TENM1: variants seen among roughly 807,000 people sequenced by gnomAD.
TENM1 encodes teneurin-1.
In TENM1, 35 loss-of-function variants were observed where a neutral mutation model predicts 174.8. That is an observed-to-expected ratio of 0.20 (90% CI 0.15 to 0.27). The LOEUF is 0.27. Among genes scored for constraint, TENM1 ranks in the 10% least tolerant of loss-of-function variants. The probability of loss-of-function intolerance (pLI) is 1.00; values close to 1 mark genes in which losing one functional copy is unlikely to be tolerated. For synonymous variants in TENM1, 781 were observed against 798.7 expected (o/e 0.98, Z 0.37); for missense variants, 1,633 against 2,130.1 (o/e 0.77, Z 4.59).
chrX:125,168,604 G>A, the TENM1 span, among the ~76,000 whole-genome samples: 1 of 111,253 alleles, frequency 9.0e-6, no homozygotes, highest in African/African-American at 3.3e-5. Context: ...CATCCTGGGT[G>A]GGCCTGGCCT....
chrX:124,916,877 T>C (rs2057934900), intron 1 of TENM1, among the ~76,000 whole-genome samples: 1 of 109,886 alleles, frequency 9.1e-6, no homozygotes, highest in East Asian at 2.9e-4. Context: ...GCCACTGGAC[T>C]CCCCAGCCTT....
At position 124,471,428 on chromosome X, in the gene TENM1, A is replaced by AC. The variant is rs1569533497; in HGVS notation, c.3949+10303_3949+10304insG. 1.5e-4 allele frequency among the ~76,000 whole-genome samples: 9 copies of AC among 58,772 alleles called. 1 individual carries two copies. Among genetic ancestry groups the AC allele is most frequent in the Admixed American group, 6.5e-4 (2 of 3,074 alleles). 51.0% of individuals were successfully genotyped at this position (58,772 alleles called of 115,157 possible). Reference sequence around the variant, plus strand: ...ATTATAATATATAGTAATATATTATATATTATATAATATATAGTACTATAT... The same window carrying AC: ...ATTATAATATATAGTAATATATTATACTATTATATAATATATAGTACTATAT... On this transcript the variant is annotated intron_variant, in intron 22 of 31. Transcript: ENST00000422452.
intron 15 of TENM1, among the ~76,000 whole-genome samples, 153 bp from the exon 19 acceptor site, chrX:124,530,136 GTT>G (rs1279514951): frequency 9.5e-6 from 1 of 105,184 alleles, no homozygotes; most frequent in Non-Finnish European, 2.0e-5. Context: ...CTGGGGAGGA[GTT>G]TTTTTTTTTC....
At chrX:125,193,321 C>T in the TENM1 span, among the ~76,000 whole-genome samples, 3 of 112,483 alleles carry the variant, frequency 2.7e-5, no homozygotes, top group African/African-American at 6.4e-5. Context: ...AAAAGCAAAA[C>T]TTGAATTTGC....
the TENM1 span, among the ~76,000 whole-genome samples, chrX:125,052,495 T>C: frequency 9.0e-6 from 1 of 111,426 alleles, no homozygotes; most frequent in African/African-American, 3.3e-5. Flanking sequence ...GAGTCACCAA[T>C]ACCTAAGGCA....
At chrX:124,558,075 G>A (rs929533491) in intron 14 of TENM1, among the ~76,000 whole-genome samples, 2 of 112,005 alleles carry the variant, frequency 1.8e-5, no homozygotes, top group African/African-American at 3.2e-5. Flanking sequence ...CAATACATAA[G>A]ATAGCTTTCC....
At chrX:124,841,330 G>C (rs972831174) in intron 3 of TENM1, among the ~76,000 whole-genome samples, 6 of 111,806 alleles carry the variant, frequency 5.4e-5, no homozygotes, top group African/African-American at 1.9e-4. Context: ...ATCAGCAATA[G>C]AATTTAAACT....
At chrX:124,746,405 G>A (rs1296661940) in intron 3 of TENM1, among the ~76,000 whole-genome samples, 1 of 111,683 alleles carries the variant, frequency 9.0e-6, no homozygotes, top group Non-Finnish European at 1.9e-5. Context: ...TTAGTGAAAT[G>A]TTAAATAGAG....
At chrX:125,050,238 G>A in the TENM1 span, among the ~76,000 whole-genome samples, 1 of 109,214 alleles carries the variant, frequency 9.2e-6, no homozygotes, top group Non-Finnish European at 1.9e-5. Context: ...GTATACATGT[G>A]CCACATTGGT....
intron 5 of TENM1, among the ~76,000 whole-genome samples, chrX:124,683,484 G>A (rs1257261715): frequency 8.9e-6 from 1 of 111,848 alleles, no homozygotes; most frequent in East Asian, 2.8e-4. Flanking sequence ...ATTTGTCATA[G>A]CCTGATTATT....
intron 3 of TENM1, among the ~76,000 whole-genome samples, chrX:124,817,449 A>G (rs966944196): frequency 8.9e-6 from 1 of 112,121 alleles, no homozygotes; most frequent in African/African-American, 3.2e-5. Flanking sequence ...AGCAAGTTAT[A>G]TATTTTTAAG....
the TENM1 span, among the ~76,000 whole-genome samples, chrX:125,105,562 T>A: frequency 4.5e-5 from 5 of 111,457 alleles, no homozygotes; most frequent in African/African-American, 1.6e-4. Flanking sequence ...CCAGGAAGAT[T>A]TTTGTGGCCT....
the TENM1 span, among the ~76,000 whole-genome samples, chrX:125,129,797 T>C: frequency 8.9e-6 from 1 of 111,754 alleles, no homozygotes; most frequent in Non-Finnish European, 1.9e-5. Flanking sequence ...TATAGCTGAA[T>C]AATATTCTAT....
chrX:125,076,721 TTTCAATA>T, the TENM1 span, among the ~76,000 whole-genome samples: 28 of 111,806 alleles, frequency 2.5e-4, 1 homozygote, highest in South Asian at 0.01. Flanking sequence ...CATCCACTAG[TTTCAATA>T]TTCAATCTTT....
intron 15 of TENM1, among the ~76,000 whole-genome samples, chrX:124,541,072 A>G (rs1397247106): frequency 2.7e-5 from 3 of 112,455 alleles, no homozygotes; most frequent in African/African-American, 9.7e-5. Flanking sequence ...TTATCACTAT[A>G]TCTTTCATGA....
chrX:125,124,899 T>C, the TENM1 span, among the ~76,000 whole-genome samples: 1 of 112,152 alleles, frequency 8.9e-6, no homozygotes. Context: ...CCCCACAATT[T>C]AACCAGTGTC....
At chrX:124,586,651 C>T (rs1366583342) in intron 11 of TENM1, among the ~76,000 whole-genome samples, 2 of 107,589 alleles carry the variant, frequency 1.9e-5, no homozygotes, top group Non-Finnish European at 3.8e-5. Context: ...CCTCTCTCAC[C>T]ACTCCTATTC....
intron 11 of TENM1, among the ~76,000 whole-genome samples, chrX:124,632,203 G>A (rs1954082812): frequency 9.1e-6 from 1 of 109,940 alleles, no homozygotes; most frequent in Non-Finnish European, 1.9e-5. Flanking sequence ...GAGCCACCAC[G>A]CCCGGCCCAT....
the TENM1 span, among the ~76,000 whole-genome samples, chrX:124,989,721 A>G: frequency 2.1e-5 from 2 of 94,203 alleles, no homozygotes; most frequent in Non-Finnish European, 4.0e-5. Context: ...CTTCTGCAGG[A>G]AAAAAAAAAA....
Sources: allele counts gnomAD v4.1 joint callset (sites outside exome capture counted in the v4.1 genomes callset), GRCh38; gene constraint gnomAD v4.1.1; transcripts MANE v1.5; gene names NCBI Gene and HGNC (gene_info 2026-07-23, HGNC 2026-07-21).